The following PHLDB1 variants were observed in gnomAD, a reference collection of about 807,000 sequenced individuals.
PHLDB1 encodes the protein pleckstrin homology like domain family B member 1.
Under a neutral mutation model 139.3 loss-of-function variants are expected in PHLDB1, and 65 were observed. The observed-to-expected ratio is 0.47, with a 90% CI of 0.38 to 0.57. The LOEUF (loss-of-function observed/expected upper bound fraction) is 0.57. PHLDB1 is among the 20% of genes least tolerant of loss of function. The pLI, the probability that PHLDB1 is intolerant of heterozygous loss-of-function variation, is 0.00. For synonymous variants in PHLDB1, 679 were observed against 734.5 expected (o/e 0.92, Z 1.22); for missense variants, 1,624 against 1,839.7 (o/e 0.88, Z 2.14).
Position 118,615,744 on chromosome 11 carries a change from T to C in PHLDB1, c.185-297T>C, listed in dbSNP as rs567356059. On this transcript the variant is annotated intron_variant, in intron 3 of 22. Transcript: ENST00000600882. ...AGGCAGTTGGGGGAATAAGGGAAGA[T>C]CTGCAGAAAAGCAGTCTTCCTTCTC... 1.1e-3 allele frequency: 389 copies of C among 344,022 alleles called. 1 individual carries two copies. Among genetic ancestry groups the C allele is most frequent in the Non-Finnish European group, 1.4e-3 (272 of 190,246 alleles). 21.3% of individuals were successfully genotyped at this position (344,022 alleles called of 1,614,324 possible).
intron 17 of PHLDB1, chr11:118,646,681 G>A (rs1392324703): frequency 6.6e-6 from 1 of 152,226 alleles, no homozygotes; most frequent in Non-Finnish European, 1.5e-5. Flanking sequence ...GGCATAGGCA[G>A]GCTGATGAAA....
In PHLDB1 at chr11:118,609,731, G is replaced by T. The variant is rs924189017; in HGVS notation, c.-22+2032G>T. ...GAAAGGCCGCTTGTCAGGGGCGGGC[G>T]GGCAGGCGGCAGCGGCAGGCGCCCA... On this transcript the variant is annotated intron_variant, in intron 1 of 22. Transcript: ENST00000600882. Among the ~76,000 whole-genome samples the T allele has an allele frequency of 2.6e-5, 4 of 152,352 alleles. No individual in the cohort carries two copies. In the East Asian group the frequency reaches 5.8e-4, roughly 22 times the overall value.
In PHLDB1 at chr11:118,620,748, C is replaced by G. The variant is rs1342898393; in HGVS notation, c.356-4186C>G. ...TGAGTTGAGCTATGGGGAGTGGGGC[C>G]GGAAGAGGAGGTGTTTAGGGTGGAG... On this transcript the variant is annotated intron_variant, in intron 4 of 22. Coordinates refer to ENST00000600882, the MANE Select transcript of PHLDB1 (RefSeq NM_001144758.3). This position sits in a 1 kb window ranked among gnomAD's most constrained non-coding sequence, Gnocchi z 4.1. Among the ~76,000 whole-genome samples, 1 of 152,008 alleles carries G rather than the reference C, an allele frequency of 6.6e-6. No homozygotes were observed. Among genetic ancestry groups the G allele is most frequent in the Admixed American group, 6.5e-5 (1 of 15,272 alleles).
intron 4 of PHLDB1, among the ~76,000 whole-genome samples, chr11:118,618,538 G>T (rs1942124392): frequency 6.6e-6 from 1 of 151,808 alleles, no homozygotes. Context: ...TACGAATCCT[G>T]TGTTTGTGTC....
At chr11:118,634,889 GC>G in intron 9 of PHLDB1, 1 of 423,610 alleles carries the variant, frequency 2.4e-6, no homozygotes, top group Non-Finnish European at 4.8e-6. Context: ...TCTCCCCTGT[GC>G]CCCGCCCTCT....
intron 12 of PHLDB1, chr11:118,640,008 A>G: frequency 1.0e-6 from 1 of 986,030 alleles, no homozygotes; most frequent in Middle Eastern, 5.2e-4. Flanking sequence ...ACAAGAGGTA[A>G]TCACAGCTAA....
At chr11:118,641,291 C>T (rs551293617) in intron 12 of PHLDB1, 1 of 155,750 alleles carries the variant, frequency 6.4e-6, no homozygotes, top group Non-Finnish European at 1.4e-5. Flanking sequence ...CTAGATTCCC[C>T]CTTGGGCCTG....
chr11:118,641,898 G>C (rs2136579721), intron 12 of PHLDB1: 2 of 759,006 alleles, frequency 2.6e-6, no homozygotes, highest in Non-Finnish European at 1.9e-6. Flanking sequence ...GGAGTGCCCA[G>C]TGCCTGCAGG....
At position 118,650,064 on chromosome 11, in the gene PHLDB1, C is replaced by A; in HGVS notation, c.3655-13C>A. 6.2e-7 allele frequency: 1 copy of A among 1,600,492 alleles called. No individual in the cohort carries two copies. Among genetic ancestry groups the A allele is most frequent in the South Asian group, 1.1e-5 (1 of 90,790 alleles). Reference sequence around the variant, plus strand: ...AGAGAGGAGACTCTCCTGACCCTCCCTCTTGCTCCCAGGCACGACCCCTGA... The same window carrying A: ...AGAGAGGAGACTCTCCTGACCCTCCATCTTGCTCCCAGGCACGACCCCTGA... On this transcript the variant is annotated splice_polypyrimidine_tract_variant and intron_variant, in intron 18 of 22. Coordinates refer to ENST00000600882, the MANE Select transcript of PHLDB1 (RefSeq NM_001144758.3). This position sits in a 1 kb window ranked among gnomAD's most constrained non-coding sequence, Gnocchi z 4.7.
At position 118,631,943 on chromosome 11, in the gene PHLDB1, G is replaced by T; in HGVS notation, c.2131G>T (p.Gly711Ter). 1 of 1,613,966 alleles carries T rather than the reference G, an allele frequency of 6.2e-7. No individual in the cohort carries two copies. Among genetic ancestry groups the T allele is most frequent in the Non-Finnish European group, 8.5e-7 (1 of 1,179,944 alleles). Reference sequence around the variant, plus strand: ...AGATGCACCTAGCACCAAGCTCCAGGGAGAGGTGCTAGCCCTGGAAGAAGA... The same window carrying T: ...AGATGCACCTAGCACCAAGCTCCAGTGAGAGGTGCTAGCCCTGGAAGAAGA... ...HEDAPSTKLQ[G>*]EVLALEEERA... is the part of the protein sequence containing the mutation. The change falls in exon 8 of 23, where the codon GGA becomes TGA. Residue 711 changes from glycine (G) to a stop codon, truncating the protein, a stop_gained. Coordinates refer to ENST00000600882, the MANE Select transcript of PHLDB1 (RefSeq NM_001144758.3). LOFTEE classifies it high-confidence loss of function.
In PHLDB1 at chr11:118,650,111, A is replaced by G; in HGVS notation, c.3689A>G (p.Lys1230Arg). The G allele has an allele frequency of 1.2e-6, 2 of 1,614,194 alleles. No homozygotes were observed. Among genetic ancestry groups the G allele is most frequent in the Non-Finnish European group, 1.7e-6 (2 of 1,180,012 alleles). Residue 1230 changes from lysine (K) to arginine (R), a missense_variant, in exon 19 of 23, where the codon AAG (lysine) becomes AGG (arginine). Coordinates refer to ENST00000600882, the MANE Select transcript of PHLDB1 (RefSeq NM_001144758.3). The surrounding 1 kb of genome is among the most constrained non-coding windows in gnomAD (Gnocchi z 4.7). ...RPLTRYLPIR[K>R]EDFDLKTHIE... The stretch of plus-strand genomic sequence containing the variant: ...CTGACCCGCTACCTGCCAATCCGGA[A>G]GGAGGACTTTGACCTGAAGACACAT...
chr11:118,626,445 G>A (rs1222263312), intron 5 of PHLDB1, among the ~76,000 whole-genome samples: 3 of 151,880 alleles, frequency 2.0e-5, no homozygotes, highest in Non-Finnish European at 4.4e-5. Context: ...GTGCAGTGGC[G>A]CGATCTCGGC....
chr11:118,635,108 G>C (rs1945424305), intron 9 of PHLDB1: 2 of 557,294 alleles, frequency 3.6e-6, no homozygotes, highest in Admixed American at 5.3e-5. Context: ...AGAAGGAAGA[G>C]AGGAGAGCGG....
At chr11:118,646,283 A>G (rs1221222818) in intron 17 of PHLDB1, 3 of 159,314 alleles carry the variant, frequency 1.9e-5, no homozygotes, top group African/African-American at 7.2e-5. Context: ...AAAAAAAAAA[A>G]AAAGGTTGTA....
intron 1 of PHLDB1, among the ~76,000 whole-genome samples, 166 bp downstream of exon 1, chr11:118,607,865 G>C (rs1179205494): frequency 2.0e-5 from 3 of 152,134 alleles, no homozygotes; most frequent in African/African-American, 7.2e-5. Flanking sequence ...TGAGTGCGTG[G>C]GGGCGAAAGG....
At chr11:118,621,070 G>A (rs1328242208) in intron 4 of PHLDB1, among the ~76,000 whole-genome samples, 4 of 120,142 alleles carry the variant, frequency 3.3e-5, no homozygotes, top group African/African-American at 1.2e-4. Flanking sequence ...TCTTACCACA[G>A]GGGGCTGGGA....
rs781834592 is a variant in PHLDB1, at chr11:118,631,901, C to T, written c.2101-12C>T. The T allele has an allele frequency of 3.8e-6, 6 of 1,599,410 alleles. No homozygotes were observed. The South Asian group carries it at 6.8e-5, about 18-fold the overall frequency. On this transcript the variant is annotated splice_polypyrimidine_tract_variant and intron_variant, in intron 7 of 22. Transcript: ENST00000600882. ...CTAGGCTTCCTCAGTTGATAGCTTCCCTCCCCTCCAGCACGAAGATGCACC... is the reference window on the plus strand; with the variant it reads ...CTAGGCTTCCTCAGTTGATAGCTTCTCTCCCCTCCAGCACGAAGATGCACC...
intron 1 of PHLDB1, among the ~76,000 whole-genome samples, chr11:118,612,325 T>G (rs1555084764): frequency 6.6e-6 from 1 of 152,104 alleles, no homozygotes; most frequent in Non-Finnish European, 1.5e-5. Context: ...TCACCATTAT[T>G]TATTATTTTG....
chr11:118,650,363 G>A lies in PHLDB1; in HGVS notation c.3772-82G>A. The A allele has an allele frequency of 9.4e-7, 1 of 1,065,742 alleles. No homozygotes were observed. Among genetic ancestry groups the A allele is most frequent in the South Asian group, 1.3e-5 (1 of 79,732 alleles). 66.0% of individuals were successfully genotyped at this position (1,065,742 alleles called of 1,614,324 possible). ...GGAGATGTTGGGGACAATCCCCCAT[G>A]AATACAGGCACAGGCGATGGCACAC... is the stretch of plus-strand genomic sequence containing the variant. On this transcript the variant is annotated intron_variant, in intron 19 of 22. Transcript: ENST00000600882. The surrounding 1 kb of genome is among the most constrained non-coding windows in gnomAD (Gnocchi z 4.7).
Sources: allele counts gnomAD v4.1 joint callset (sites outside exome capture counted in the v4.1 genomes callset), GRCh38; gene constraint gnomAD v4.1.1; non-coding constraint Gnocchi (gnomAD v3.1); transcripts MANE v1.5; gene names NCBI Gene and HGNC (gene_info 2026-07-23, HGNC 2026-07-21).